RANBP17: variants seen among roughly 807,000 people sequenced by gnomAD.
The protein encoded by RANBP17 is ran-binding protein 17.
RANBP17 carries 158 observed loss-of-function variants against 141.2 expected under a neutral mutation model. That is an observed-to-expected ratio of 1.12 (90% CI 0.98 to 1.28). The LOEUF is 1.28. RANBP17 is among the 50% of genes most tolerant of loss of function. The probability of loss-of-function intolerance (pLI) is 0.00; values close to 1 mark genes in which losing one functional copy is unlikely to be tolerated. For synonymous variants in RANBP17, 430 were observed against 450.0 expected, an observed-to-expected ratio of 0.96 and a Z score of 0.56; for missense variants, 1,438 against 1,290.7, an observed-to-expected ratio of 1.11 and a Z score of -1.75.
intron 14 of RANBP17, among the ~76,000 whole-genome samples, chr5:171,017,415 A>G (rs940341113): frequency 1.8e-4 from 27 of 151,936 alleles, no homozygotes; most frequent in South Asian, 1.2e-3. Context: ...GCCAGCATCT[A>G]TTGTTTCTTG....
chr5:170,935,820 G>A (rs1441309574), intron 12 of RANBP17, among the ~76,000 whole-genome samples: 2 of 152,202 alleles, frequency 1.3e-5, no homozygotes, highest in Non-Finnish European at 2.9e-5. Context: ...TCTCTTCAAA[G>A]CTGTCAGACA....
At chr5:171,049,231 G>A (rs1782794125) in intron 14 of RANBP17, among the ~76,000 whole-genome samples, 1 of 152,168 alleles carries the variant, frequency 6.6e-6, no homozygotes, top group Non-Finnish European at 1.5e-5. Context: ...CTAATGATTA[G>A]TGATGCTGAA....
Position 170,936,819 on chromosome 5 carries a change from G to A in RANBP17, c.1468+12269G>A, listed in dbSNP as rs535507718. Reference sequence around the variant, plus strand: ...CAGAGAGAGGGGTGTTAAATCTCCAGTTATGATTGTGGAATTGTTTATAAT... The same window carrying A: ...CAGAGAGAGGGGTGTTAAATCTCCAATTATGATTGTGGAATTGTTTATAAT... On this transcript the variant is annotated intron_variant, in intron 12 of 27. Coordinates refer to ENST00000523189, the MANE Select transcript of RANBP17 (RefSeq NM_022897.5). Among the ~76,000 whole-genome samples, 3 of 152,284 alleles carry A rather than the reference G, an allele frequency of 2.0e-5. No homozygotes were observed. The East Asian group carries it at 5.8e-4, about 29-fold the overall frequency.
Position 171,047,681 on chromosome 5 carries a change from G to A in RANBP17, c.1710+79304G>A, listed in dbSNP as rs182416518. Among the ~76,000 whole-genome samples, 37 of 151,870 alleles carry A rather than the reference G, an allele frequency of 2.4e-4. 1 individual carries two copies. The East Asian group carries it at 6.6e-3, about 27-fold the overall frequency. ...TCTTCAACTCCTGACCTCATGATCC[G>A]CCTGCCTCAGCCTCCCAAGTCTTAC... On this transcript the variant is annotated intron_variant, in intron 14 of 27. Coordinates refer to ENST00000523189, the MANE Select transcript of RANBP17 (RefSeq NM_022897.5).
At chr5:171,189,682 C>T (rs1356040863) in intron 18 of RANBP17, among the ~76,000 whole-genome samples, 1 of 152,210 alleles carries the variant, frequency 6.6e-6, no homozygotes, top group African/African-American at 2.4e-5. Context: ...CTTGGCCACT[C>T]TTGTGCCCGA....
chr5:171,086,202 T>C (rs1405711417), intron 14 of RANBP17, among the ~76,000 whole-genome samples: 203 of 137,406 alleles, frequency 1.5e-3, no homozygotes, highest in African/African-American at 5.3e-3. Flanking sequence ...AAAGGCTTTT[T>C]CTACATCTGT....
chr5:171,021,203 AT>A (rs1481895432), intron 14 of RANBP17, among the ~76,000 whole-genome samples: 1 of 151,868 alleles, frequency 6.6e-6, no homozygotes, highest in African/African-American at 2.4e-5. Flanking sequence ...TGCCCTTAAC[AT>A]TTTTTTCTGC....
intron 14 of RANBP17, among the ~76,000 whole-genome samples, chr5:171,120,224 C>T (rs1315973709): frequency 2.6e-5 from 4 of 152,136 alleles, no homozygotes; most frequent in Non-Finnish European, 5.9e-5. Flanking sequence ...ATTCAAGGCC[C>T]TCTTGGTCAC....
intron 14 of RANBP17, among the ~76,000 whole-genome samples, chr5:171,027,799 C>T (rs79781270): frequency 0.035 from 5,258 of 151,974 alleles, 148 homozygotes; most frequent in East Asian, 0.12. Context: ...TTTTGTAGAA[C>T]GGGAATTGGG....
At chr5:171,135,377 A>G (rs978847695) in intron 14 of RANBP17, among the ~76,000 whole-genome samples, 1 of 152,020 alleles carries the variant, frequency 6.6e-6, no homozygotes, top group African/African-American at 2.4e-5. Context: ...ATGCTTTAGG[A>G]TGGAATATTC....
At chr5:171,286,261 T>TA (rs1768164453) in intron 25 of RANBP17, among the ~76,000 whole-genome samples, 1 of 152,168 alleles carries the variant, frequency 6.6e-6, no homozygotes, top group Non-Finnish European at 1.5e-5. Flanking sequence ...GCTTTTGAGG[T>TA]AAAAAGCTTC....
intron 14 of RANBP17, among the ~76,000 whole-genome samples, chr5:171,009,099 C>T (rs1236709007): frequency 6.6e-6 from 1 of 152,166 alleles, no homozygotes; most frequent in Non-Finnish European, 1.5e-5. Context: ...AAGAGACTTC[C>T]TGCCTCATTT....
chr5:171,100,947 G>A (rs1453261305), intron 14 of RANBP17, among the ~76,000 whole-genome samples: 1 of 152,178 alleles, frequency 6.6e-6, no homozygotes, highest in Non-Finnish European at 1.5e-5. Flanking sequence ...TAATTTGATT[G>A]CACTGTGTTC....
At chr5:171,227,154 A>G (rs965749343) in intron 22 of RANBP17, among the ~76,000 whole-genome samples, 1 of 152,244 alleles carries the variant, frequency 6.6e-6, no homozygotes, top group Admixed American at 6.5e-5. Context: ...AAAAGCTAGA[A>G]ATGATTAAGC....
rs1056270648 is a variant in RANBP17 at position 171,058,873 on chromosome 5, A to G, written c.1710+90496A>G. Among the ~76,000 whole-genome samples, 22 of 150,426 alleles carry G rather than the reference A, an allele frequency of 1.5e-4. 1 individual carries two copies. The highest frequency in any genetic ancestry group is 4.1e-4 in the African/African-American group (17 of 41,200). On this transcript the variant is annotated intron_variant, in intron 14 of 27. Transcript: ENST00000523189. The stretch of plus-strand genomic sequence containing the variant: ...GCCATTCTAACTGGTGTGAGATGGT[A>G]TCTCATTGTGGTTTTGATTTGCATT...
intron 12 of RANBP17, among the ~76,000 whole-genome samples, chr5:170,931,888 G>A (rs113022618): frequency 7.9e-5 from 12 of 152,218 alleles, no homozygotes; most frequent in East Asian, 5.8e-4. Context: ...TTGGCAATGC[G>A]GGCTCTTTTT....
chr5:170,984,982 G>T, intron 14 of RANBP17, among the ~76,000 whole-genome samples: 1 of 151,172 alleles, frequency 6.6e-6, no homozygotes, highest in East Asian at 1.9e-4. Context: ...CACACACAAA[G>T]ACACACACAT....
chr5:171,108,192 C>G (rs1754980270), intron 14 of RANBP17, among the ~76,000 whole-genome samples: 7 of 151,438 alleles, frequency 4.6e-5, no homozygotes. Context: ...CCAAACAGTT[C>G]TATAAGCAAC....
intron 1 of RANBP17, among the ~76,000 whole-genome samples, 177 bp downstream of exon 1, chr5:170,862,228 G>A (rs1766848823): frequency 6.6e-6 from 1 of 152,176 alleles, no homozygotes. Flanking sequence ...GGTCTGGGCT[G>A]CACACCCCAG....
Sources: allele counts gnomAD v4.1 joint callset (sites outside exome capture counted in the v4.1 genomes callset), GRCh38; gene constraint gnomAD v4.1.1; transcripts MANE v1.5; gene names NCBI Gene and HGNC (gene_info 2026-07-23, HGNC 2026-07-21).